Variants in HPS3 observed in about 807,000 individuals in gnomAD.
HPS3 encodes BLOC-2 complex member HPS3.
Under a neutral mutation model 110.9 loss-of-function variants are expected in HPS3, and 79 were observed. The observed-to-expected ratio is 0.71, with a 90% CI of 0.59 to 0.86. The LOEUF (loss-of-function observed/expected upper bound fraction) is 0.86. Among genes scored for constraint, HPS3 ranks in the 40% least tolerant of loss-of-function variants. The pLI is 0.00. For missense variants in HPS3, 1,197 were observed against 1,206.2 expected, an observed-to-expected ratio of 0.99 and a Z score of 0.11; for synonymous variants, 428 against 451.0, an observed-to-expected ratio of 0.95 and a Z score of 0.65.
chr3:149,172,602 T>G lies in HPS3; in HGVS notation c.*380T>G, dbSNP rs1457881088. 1.2e-5 allele frequency: 2 copies of G among 162,212 alleles called. No homozygotes were observed. The highest frequency in any genetic ancestry group is 2.7e-5 in the Non-Finnish European group (2 of 73,738). The allele number at this position is 162,212 out of a possible 1,614,324, so 10.0% of individuals were successfully genotyped here. On this transcript the variant is annotated 3_prime_UTR_variant, in exon 17 of 17. Transcript: ENST00000296051. ...ATCCCAAGAACACTTTAAGGAAACA[T>G]TTTACAAGTATGCTTGAAAGAATGT...
intron 14 of HPS3, among the ~76,000 whole-genome samples, chr3:149,166,457 T>G (rs958460237): frequency 1.1e-4 from 17 of 152,204 alleles, no homozygotes; most frequent in East Asian, 9.6e-4. Context: ...TGTATGTGCA[T>G]TTACCTATGT....
intron 2 of HPS3, 33 bp from the exon 3 acceptor site, chr3:149,140,984 T>A (rs1391808070): frequency 6.3e-7 from 1 of 1,594,298 alleles, no homozygotes; most frequent in African/African-American, 1.3e-5. Context: ...TAATTTTCAT[T>A]CAAGCAGGAC....
At chr3:149,146,333 T>A (rs1722777437) in intron 5 of HPS3, among the ~76,000 whole-genome samples, 1 of 152,150 alleles carries the variant, frequency 6.6e-6, no homozygotes, top group African/African-American at 2.4e-5. Flanking sequence ...AAAAATGTCT[T>A]AAGACCTCAT....
intron 6 of HPS3, among the ~76,000 whole-genome samples, chr3:149,151,612 AAAAAG>A (rs1308799082): frequency 7.4e-5 from 11 of 148,122 alleles, no homozygotes; most frequent in South Asian, 6.4e-4. Flanking sequence ...AAAAAAAAAA[AAAAAG>A]CCTCTTGACC....
chr3:149,151,238 G>A (rs888546859), intron 6 of HPS3, among the ~76,000 whole-genome samples: 6 of 149,820 alleles, frequency 4.0e-5, no homozygotes, highest in Admixed American at 2.0e-4. Flanking sequence ...TTGCCGTGTC[G>A]CCCAGGCTGG....
intron 14 of HPS3, among the ~76,000 whole-genome samples, chr3:149,165,194 G>A (rs976679522): frequency 6.6e-6 from 1 of 152,176 alleles, no homozygotes; most frequent in African/African-American, 2.4e-5. Context: ...TGCTGTAGAT[G>A]TATGGGGAGC....
intron 11 of HPS3, 94 bp from the exon 12 acceptor site, chr3:149,162,054 T>C (rs1723912646): frequency 1.0e-6 from 1 of 973,748 alleles, no homozygotes; most frequent in Admixed American, 1.9e-5. Flanking sequence ...AGCTTAACCA[T>C]GCATTGTGAA....
intron 8 of HPS3, 127 bp from the exon 9 acceptor site, chr3:149,157,223 G>A: frequency 2.3e-6 from 2 of 858,418 alleles, no homozygotes; most frequent in Non-Finnish European, 3.7e-6. Flanking sequence ...TAACCATTTT[G>A]TTTACTTTTA....
intron 14 of HPS3, among the ~76,000 whole-genome samples, chr3:149,165,474 A>G (rs1724321662): frequency 7.5e-6 from 1 of 133,760 alleles, no homozygotes; most frequent in African/African-American, 2.8e-5. Context: ...AGTCTGCCTA[A>G]ACTTTTATAA....
At position 149,140,012 on chromosome 3, in the gene HPS3, T is replaced by A. The variant is rs759264215; in HGVS notation, c.226T>A (p.Leu76Met). The A allele has an allele frequency of 1.2e-5, 19 of 1,612,766 alleles. No individual in the cohort carries two copies. The highest frequency in any genetic ancestry group is 1.6e-5 in the Non-Finnish European group (19 of 1,179,104). ...RLAYSEAGDYLVAIEEKNKAT... is the reference protein window; with the variant it reads ...RLAYSEAGDYMVAIEEKNKAT... ...TCTTCATTCCTTCTCAGGAGATTAT[T>A]TGGTAGCAATTGAAGAGAAAAACAA... The change falls in exon 2 of 17, where the codon TTG (leucine) becomes ATG (methionine). Residue 76 changes from leucine to methionine, a missense_variant. Transcript: ENST00000296051.
At chr3:149,164,917 A>G (rs1724258443) in intron 14 of HPS3, among the ~76,000 whole-genome samples, 1 of 152,050 alleles carries the variant, frequency 6.6e-6, no homozygotes, top group Admixed American at 6.6e-5. Context: ...CATTTACACT[A>G]TGGGAACTAC....
intron 12 of HPS3, 61 bp downstream of exon 12, chr3:149,162,394 G>GA (rs779600272): frequency 2.8e-6 from 4 of 1,423,932 alleles, no homozygotes; most frequent in Non-Finnish European, 4.0e-6. Flanking sequence ...GGTGGGGAGG[G>GA]ACAGAATAAG....
intron 3 of HPS3, 28 bp downstream of exon 3, chr3:149,141,216 C>A: frequency 1.0e-6 from 1 of 992,156 alleles, no homozygotes; most frequent in Non-Finnish European, 1.5e-6. Flanking sequence ...TTTTTTTTAC[C>A]AGCATTTTAT....
intron 9 of HPS3, among the ~76,000 whole-genome samples, chr3:149,158,340 G>A (rs1723581553): frequency 6.6e-6 from 1 of 152,056 alleles, no homozygotes; most frequent in South Asian, 2.1e-4. Context: ...ATTATGAGCA[G>A]GCAAAAAGAA....
rs2108128912 is a variant in HPS3 at position 149,140,488 on chromosome 3, G to T, written c.702G>T (p.Arg234=). The part of the protein sequence containing the change: ...HPHKTNNRIR[R]TEEGISNEIS... Reference sequence around the variant, plus strand: ...ATAAGACCAACAATCGAATAAGACGGACAGAAGAAGGTAAATAATGAATTT... The same window carrying T: ...ATAAGACCAACAATCGAATAAGACGTACAGAAGAAGGTAAATAATGAATTT... The change falls in exon 2 of 17, where the codon CGG becomes CGT. Residue 234 remains arginine (R), a synonymous_variant. Coordinates refer to ENST00000296051, the MANE Select transcript of HPS3 (RefSeq NM_032383.5). 2 of 1,614,096 alleles carry T rather than the reference G, an allele frequency of 1.2e-6. No homozygotes were observed. Among genetic ancestry groups the T allele is most frequent in the Non-Finnish European group, 1.7e-6 (2 of 1,179,996 alleles).
chr3:149,161,560 A>G (rs1723840630), intron 11 of HPS3, among the ~76,000 whole-genome samples: 1 of 124,706 alleles, frequency 8.0e-6, no homozygotes, highest in Non-Finnish European at 1.6e-5. Context: ...CCCAGGCTGG[A>G]GTGCAGTGGC....
chr3:149,131,228 C>G (rs1253436842), intron 1 of HPS3, among the ~76,000 whole-genome samples: 1 of 151,678 alleles, frequency 6.6e-6, no homozygotes, highest in Non-Finnish European at 1.5e-5. Context: ...TACATAGTAT[C>G]TGACTGCTTA....
intron 6 of HPS3, among the ~76,000 whole-genome samples, chr3:149,152,481 G>A (rs190759356): frequency 6.6e-5 from 10 of 152,278 alleles, no homozygotes; most frequent in Admixed American, 6.5e-4. Context: ...GCCAGTGGAG[G>A]TAGGAGGGGG....
chr3:149,153,353 T>C, intron 6 of HPS3, 141 bp from the exon 7 acceptor site: 1 of 729,430 alleles, frequency 1.4e-6, no homozygotes, highest in Non-Finnish European at 2.3e-6. Context: ...TGGTCTTTTG[T>C]TTGTTTGTTT....
Sources: gnomAD v4.1 joint callset for allele counts (sites outside exome capture counted in the v4.1 genomes callset) on GRCh38, gnomAD v4.1.1 for gene constraint, MANE v1.5 for transcripts, NCBI Gene and HGNC (gene_info 2026-07-23, HGNC 2026-07-21) for gene names.